Variants in RP1 observed in about 807,000 individuals in gnomAD.
The protein encoded by RP1 is oxygen-regulated protein 1.
Under a neutral mutation model 14.8 loss-of-function variants are expected in RP1, and 16 were observed. That is an observed-to-expected ratio of 1.08 (90% CI 0.73 to 1.65). The LOEUF is 1.65. Ranked by LOEUF, RP1 falls within the 40% of genes most tolerant of loss-of-function variation. The pLI is 0.00. For synonymous variants in RP1, 876 were observed against 883.6 expected, an observed-to-expected ratio of 0.99 and a Z score of 0.15; for missense variants, 2,631 against 2,535.0, an observed-to-expected ratio of 1.04 and a Z score of -0.81.
downstream of RP1, among the ~76,000 whole-genome samples, chr8:54,632,088 C>T (rs1420156744): frequency 3.9e-5 from 6 of 152,044 alleles, no homozygotes; most frequent in South Asian, 2.1e-4. Flanking sequence ...GTGATCCGCC[C>T]GCCTCGGCCT....
intron 12 of RP1, among the ~76,000 whole-genome samples, chr8:54,687,965 C>T (rs1807608046): frequency 6.6e-6 from 1 of 152,208 alleles, no homozygotes. Context: ...ACATCCCCTC[C>T]AGCATCTGTT....
intron 6 of RP1, among the ~76,000 whole-genome samples, chr8:54,656,683 A>T (rs1806761232): frequency 6.6e-6 from 1 of 151,424 alleles, no homozygotes; most frequent in African/African-American, 2.4e-5. Flanking sequence ...TTTATGGCTG[A>T]TAATAGGCTC....
chr8:54,700,529 T>C (rs537245015), intron 13 of RP1, among the ~76,000 whole-genome samples: 18 of 152,282 alleles, frequency 1.2e-4, no homozygotes, highest in Admixed American at 1.1e-3. Flanking sequence ...TACACTGTAG[T>C]TCATAGCACA....
intron 21 of RP1, among the ~76,000 whole-genome samples, chr8:54,756,442 T>C (rs1809506101): frequency 6.6e-6 from 1 of 152,170 alleles, no homozygotes; most frequent in African/African-American, 2.4e-5. Context: ...TCAGACTGTT[T>C]GTTGTAGTTT....
intron 6 of RP1, among the ~76,000 whole-genome samples, chr8:54,658,675 G>T (rs528118034): frequency 6.6e-6 from 1 of 151,890 alleles, no homozygotes; most frequent in East Asian, 1.9e-4. Flanking sequence ...TGTGAATCAT[G>T]TTGTAATGAC....
exon 28 of RP1, chr8:54,865,905 T>C: frequency 8.2e-7 from 1 of 1,224,512 alleles, no homozygotes; most frequent in Middle Eastern, 3.1e-4. Flanking sequence ...AGGTGCTGTT[T>C]CTATGCAACA....
At chr8:54,623,051 A>G (rs1222925438) in intron 3 of RP1, among the ~76,000 whole-genome samples, 1 of 152,184 alleles carries the variant, frequency 6.6e-6, no homozygotes, top group Non-Finnish European at 1.5e-5. Context: ...CTTGGATAAT[A>G]TGTATTTTAA....
chr8:54,761,121 A>T (rs1809627709), intron 22 of RP1, among the ~76,000 whole-genome samples: 2 of 150,984 alleles, frequency 1.3e-5, no homozygotes, highest in Admixed American at 1.3e-4. Context: ...AGTTTAGCTG[A>T]TTTCTTTTAA....
At position 54,720,209 on chromosome 8, in the gene RP1, C is replaced by G. The variant is rs751442181; in HGVS notation, c.2292C>G (p.Ser764Arg). 1.2e-5 allele frequency: 18 copies of G among 1,535,434 alleles called. No individual in the cohort carries two copies. The East Asian group carries it at 2.2e-4, about 19-fold the overall frequency. ...CCATAAGCCTGGAATCTACGAAGAG[C>G]CCAGGATTGTTTGTTGGACTTCAGT... is the stretch of plus-strand genomic sequence containing the variant. Residue 764 changes from serine to arginine, a missense_variant, in exon 16 of 23, where the codon AGC (serine) becomes AGG (arginine). Transcript: ENST00000636932.
At chr8:54,697,424 G>A (rs753405538) in intron 12 of RP1, among the ~76,000 whole-genome samples, 3 of 152,054 alleles carry the variant, frequency 2.0e-5, no homozygotes, top group South Asian at 2.1e-4. Flanking sequence ...GCATGGTGGC[G>A]CATGCCTGTG....
In RP1 at chr8:54,831,431, G is replaced by T. The variant is rs1585730212; in HGVS notation, c.3616-6019G>T. On this transcript the variant is annotated intron_variant, in intron 24 of 28. Coordinates refer to the RP1 transcript ENST00000637698. ...TTTTTTTTTTTTTTAACATTCAATA[G>T]TATCTTCTCCTTTGGCTTATTACCT... Among the ~76,000 whole-genome samples, 8 of 89,188 alleles carry T rather than the reference G, an allele frequency of 9.0e-5. No individual in the cohort carries two copies. The South Asian group carries it at 1.1e-3, about 12-fold the overall frequency. 58.5% of individuals were successfully genotyped at this position (89,188 alleles called of 152,430 possible).
intron 1 of RP1, among the ~76,000 whole-genome samples, chr8:54,564,294 A>G (rs971861923): frequency 1.3e-5 from 2 of 152,194 alleles, no homozygotes; most frequent in African/African-American, 4.8e-5. Flanking sequence ...GGGTGCAGGT[A>G]CTGAGCTCAT....
Position 54,578,958 on chromosome 8 carries a change from T to C in RP1, c.-13+19638T>C, listed in dbSNP as rs537191438. Among the ~76,000 whole-genome samples the C allele has an allele frequency of 2.0e-3, 298 of 152,326 alleles. 2 individuals carry two copies. Among genetic ancestry groups the C allele is most frequent in the African/African-American group, 6.4e-3 (265 of 41,578 alleles). The stretch of plus-strand genomic sequence containing the variant: ...TCTTAGAAACAGATTTACTGTCCCC[T>C]GAAGATGAGGGAAATAAAGCCATTT... On this transcript the variant is annotated intron_variant, in intron 1 of 22. Coordinates refer to the RP1 transcript ENST00000636932.
intron 5 of RP1, among the ~76,000 whole-genome samples, chr8:54,654,970 T>C (rs1806725774): frequency 6.6e-6 from 1 of 152,196 alleles, no homozygotes; most frequent in African/African-American, 2.4e-5. Flanking sequence ...TTTAACAGGG[T>C]GATTTTAAAA....
Position 54,670,658 on chromosome 8 carries a change from AATATATATGTTTTTATATATATATATAT to A in RP1, c.1324-3183_1324-3156del, listed in dbSNP as rs1355973030. On this transcript the variant is annotated intron_variant, in intron 7 of 22. Coordinates refer to the RP1 transcript ENST00000636932. ...GTTAGGTGCACATATATTTATGAAT[AATATATATGTTTTTATATATATATATAT>A]ATATATATATATATATATATAAAAC... 4.9e-4 allele frequency among the ~76,000 whole-genome samples: 46 copies of A among 93,094 alleles called. 2 individuals are homozygous for A. In the South Asian group the frequency reaches 0.016, roughly 31 times the overall value. 61.1% of individuals were successfully genotyped at this position (93,094 alleles called of 152,430 possible). A position where few individuals can be genotyped will look rare whatever the true frequency, so the allele number is the denominator to read the frequency against.
At chr8:54,692,928 T>C (rs1172568891) in intron 12 of RP1, among the ~76,000 whole-genome samples, 2 of 152,160 alleles carry the variant, frequency 1.3e-5, no homozygotes, top group African/African-American at 2.4e-5. Context: ...CTAGGTTTTC[T>C]TCTAGGGTTT....
At chr8:54,582,937 A>G (rs1479532513) in intron 1 of RP1, among the ~76,000 whole-genome samples, 1 of 152,236 alleles carries the variant, frequency 6.6e-6, no homozygotes, top group African/African-American at 2.4e-5. Context: ...CAATCATGTC[A>G]TCTGGAAACA....
intron 1 of RP1, among the ~76,000 whole-genome samples, chr8:54,601,168 G>T (rs978784109): frequency 1.3e-5 from 2 of 152,078 alleles, no homozygotes; most frequent in African/African-American, 4.8e-5. Flanking sequence ...ACATGAAAAG[G>T]CAAATAATGG....
intron 15 of RP1, among the ~76,000 whole-genome samples, chr8:54,715,070 C>T (rs550775549): frequency 3.5e-4 from 53 of 152,324 alleles, no homozygotes; most frequent in African/African-American, 1.1e-3. Context: ...CCAAACTGTA[C>T]AGCAAGAACT....
Sources: allele counts gnomAD v4.1 joint callset (sites outside exome capture counted in the v4.1 genomes callset), GRCh38; gene constraint gnomAD v4.1.1; transcripts MANE v1.5; gene names NCBI Gene and HGNC (gene_info 2026-07-23, HGNC 2026-07-21).